The following CSMD3 variants were observed in gnomAD, a reference collection of about 807,000 sequenced individuals.
CSMD3 encodes the protein CUB and sushi domain-containing protein 3.
In CSMD3, 177 loss-of-function variants were observed where a neutral mutation model predicts 435.2. The ratio of observed to expected loss-of-function variants is 0.41; its 90% CI spans 0.36 to 0.46. CSMD3 has a LOEUF of 0.46. Ranked by LOEUF, CSMD3 falls within the 20% of genes least tolerant of loss-of-function variation. The pLI is 0.34. For synonymous variants in CSMD3, 1,656 were observed against 1,520.5 expected, an observed-to-expected ratio of 1.09 and a Z score of -2.07; for missense variants, 4,265 against 4,504.6, an observed-to-expected ratio of 0.95 and a Z score of 1.52.
At chr8:112,321,444 G>A (rs1293104904) in intron 45 of CSMD3, among the ~76,000 whole-genome samples, 2 of 152,124 alleles carry the variant, frequency 1.3e-5, no homozygotes, top group East Asian at 3.9e-4. Context: ...TTGAAAGAAG[G>A]AGTAAAATTT....
At chr8:112,226,992 C>G (rs1812634579) in intron 70 of CSMD3, among the ~76,000 whole-genome samples, 1 of 152,150 alleles carries the variant, frequency 6.6e-6, no homozygotes, top group Admixed American at 6.5e-5. Flanking sequence ...AATGCTGCTG[C>G]TGCTGTACAG....
chr8:112,853,107 C>T (rs1157868349), intron 11 of CSMD3, among the ~76,000 whole-genome samples: 1 of 152,106 alleles, frequency 6.6e-6, no homozygotes, highest in Non-Finnish European at 1.5e-5. Context: ...AATGGGCAGT[C>T]TTCAATCACA....
Position 112,447,028 on chromosome 8 carries a change from AT to A in CSMD3, c.5395+25562del, listed in dbSNP as rs572779878. 2.4e-3 allele frequency among the ~76,000 whole-genome samples: 371 copies of A among 152,292 alleles called. 2 individuals are homozygous for A. Among genetic ancestry groups the A allele is most frequent in the African/African-American group, 7.3e-3 (305 of 41,578 alleles). The stretch of plus-strand genomic sequence containing the variant: ...ATAAAGGATGAAAATGTGGGAACCA[AT>A]TATTTTAAAGAGTGTAATACTCATT... On this transcript the variant is annotated intron_variant, in intron 32 of 70. Coordinates refer to ENST00000297405, the MANE Select transcript of CSMD3 (RefSeq NM_198123.2).
At chr8:113,200,645 TAGA>T (rs1179606022) in intron 3 of CSMD3, among the ~76,000 whole-genome samples, 2 of 151,164 alleles carry the variant, frequency 1.3e-5, no homozygotes, top group East Asian at 2.0e-4. Context: ...CAGAACGAGC[TAGA>T]AGAAGGGAGT....
intron 10 of CSMD3, among the ~76,000 whole-genome samples, chr8:112,897,680 C>CTGTG (rs1359898103): frequency 1.5e-3 from 137 of 88,720 alleles, no homozygotes; most frequent in Admixed American, 5.4e-3. Flanking sequence ...CTCTCTCTCT[C>CTGTG]TCTCTCTCTC....
In CSMD3 at chr8:112,318,574, A is replaced by G. The variant is rs1399240892; in HGVS notation, c.7360+263T>C. ...CTCCACCTCCATTCCCATCCCTAAG[A>G]GCAAAATAATTGAAGTAAGTTGAAC... On this transcript the variant is annotated intron_variant, in intron 47 of 70. Coordinates refer to ENST00000297405, the MANE Select transcript of CSMD3 (RefSeq NM_198123.2). Among the ~76,000 whole-genome samples the G allele has an allele frequency of 7.2e-5, 11 of 152,134 alleles. No individual in the cohort carries two copies. The South Asian group carries it at 1.9e-3, about 26-fold the overall frequency.
Position 113,217,445 on chromosome 8 carries a change from A to T in CSMD3, c.515-43529T>A, listed in dbSNP as rs1351582204. Among the ~76,000 whole-genome samples, 5 of 151,804 alleles carry T rather than the reference A, an allele frequency of 3.3e-5. No homozygotes were observed. The East Asian group carries it at 9.7e-4, about 29-fold the overall frequency. On this transcript the variant is annotated intron_variant, in intron 3 of 70. Transcript: ENST00000297405. Reference sequence around the variant, plus strand: ...AAGAATTTTAAAAGCCTAGTTATAAACATGTTAAAGGACTTAAAGGCACAG... The same window carrying T: ...AAGAATTTTAAAAGCCTAGTTATAATCATGTTAAAGGACTTAAAGGCACAG...
rs1819869801 is a variant in CSMD3 at position 112,292,548 on chromosome 8, G to A, written c.8777C>T (p.Pro2926Leu). 4 of 1,613,644 alleles carry A rather than the reference G, an allele frequency of 2.5e-6. No homozygotes were observed. Among genetic ancestry groups the A allele is most frequent in the Middle Eastern group, 1.6e-4 (1 of 6,062 alleles). ...QANRQWSHPP[P>L]MCKVVNCSDP... ...ACTTAGACATTTACCTTTGCACATA[G>A]GTGGAGGATGGCTCCACTGTCTGTT... The change falls in exon 55 of 71, where the codon CCT becomes CTT. Residue 2926 changes from proline to leucine, a missense_variant. Physicochemically the swap from Pro to Leu is moderately conservative, Grantham distance 98. This residue lies in a region of CSMD3 where 3,255 missense variants were observed against 3,380.2 expected (regional missense o/e 0.96). Transcript: ENST00000297405.
intron 2 of CSMD3, among the ~76,000 whole-genome samples, chr8:113,307,773 T>C (rs2093833045): frequency 1.3e-5 from 2 of 152,140 alleles, no homozygotes; most frequent in South Asian, 2.1e-4. Context: ...TCAATATTAT[T>C]AGGCATCACA....
chr8:112,949,138 C>T (rs1411860571), intron 8 of CSMD3, among the ~76,000 whole-genome samples: 3 of 151,926 alleles, frequency 2.0e-5, no homozygotes, highest in Admixed American at 6.6e-5. Context: ...CACTGGACTG[C>T]TGAATATAGT....
At chr8:112,615,241 T>C (rs915606141) in intron 22 of CSMD3, among the ~76,000 whole-genome samples, 1 of 152,138 alleles carries the variant, frequency 6.6e-6, no homozygotes, top group Non-Finnish European at 1.5e-5. Flanking sequence ...ATGCATGAAC[T>C]TGAACTGTCC....
intron 12 of CSMD3, among the ~76,000 whole-genome samples, chr8:112,812,807 C>T (rs1236426201): frequency 6.6e-6 from 1 of 152,090 alleles, no homozygotes; most frequent in Non-Finnish European, 1.5e-5. Flanking sequence ...TCTAGTCTTC[C>T]TAGTCAGTCA....
chr8:112,720,377 G>C (rs950994776), intron 13 of CSMD3, among the ~76,000 whole-genome samples: 9 of 151,566 alleles, frequency 5.9e-5, no homozygotes, highest in Admixed American at 1.3e-4. Context: ...ACAGGTTAGG[G>C]GAATGTCACA....
chr8:112,461,601 A>G (rs1289868799), intron 32 of CSMD3, among the ~76,000 whole-genome samples: 1 of 152,122 alleles, frequency 6.6e-6, no homozygotes, highest in Non-Finnish European at 1.5e-5. Context: ...TAGAAAGTCA[A>G]TTTTCTAGCA....
chr8:112,940,609 T>C (rs998998668), intron 9 of CSMD3, among the ~76,000 whole-genome samples: 3 of 151,860 alleles, frequency 2.0e-5, no homozygotes, highest in Admixed American at 6.6e-5. Flanking sequence ...TGTTATATTC[T>C]ATAGGTATTT....
chr8:113,208,551 C>A (rs2092797100), intron 3 of CSMD3, among the ~76,000 whole-genome samples: 1 of 152,028 alleles, frequency 6.6e-6, no homozygotes, highest in Admixed American at 6.6e-5. Flanking sequence ...TTTCTGTCCA[C>A]AATATAATAT....
intron 16 of CSMD3, among the ~76,000 whole-genome samples, chr8:112,673,542 A>G (rs1269754219): frequency 6.6e-6 from 1 of 152,138 alleles, no homozygotes; most frequent in Non-Finnish European, 1.5e-5. Context: ...GTGTGAATAC[A>G]TATCTGTTTA....
At chr8:113,030,430 A>G (rs1316630546) in intron 5 of CSMD3, among the ~76,000 whole-genome samples, 6 of 149,112 alleles carry the variant, frequency 4.0e-5, no homozygotes, top group African/African-American at 1.2e-4. Context: ...AAAAAAAAAA[A>G]AAAAAAAAAA....
In CSMD3 at chr8:113,115,424, T is replaced by C. The variant is rs571982438; in HGVS notation, c.710-16461A>G. The stretch of plus-strand genomic sequence containing the variant: ...AATCAAGAAGAGAACATTAGCCTAA[T>C]GGTAGAAATCTCCCAAATACTCCCT... On this transcript the variant is annotated intron_variant, in intron 4 of 70. Transcript: ENST00000297405. Among the ~76,000 whole-genome samples the C allele has an allele frequency of 2.0e-5, 3 of 152,340 alleles. No individual in the cohort carries two copies. In the South Asian group the frequency reaches 6.2e-4, roughly 32 times the overall value.
Sources: allele counts gnomAD v4.1 joint callset (sites outside exome capture counted in the v4.1 genomes callset), GRCh38; gene constraint gnomAD v4.1.1; regional missense constraint gnomAD v4.1.1; transcripts MANE v1.5; gene names NCBI Gene and HGNC (gene_info 2026-07-23, HGNC 2026-07-21).